CPB2: variants seen among roughly 807,000 people sequenced by gnomAD.
CPB2 encodes carboxypeptidase B-like protein.
CPB2 carries 54 observed loss-of-function variants against 57.0 expected under a neutral mutation model. The observed-to-expected ratio is 0.95, with a 90% CI of 0.76 to 1.19. The LOEUF is 1.19. CPB2 is among the 50% of genes most tolerant of loss of function. The probability of loss-of-function intolerance (pLI) is 0.00; values close to 1 mark genes in which losing one functional copy is unlikely to be tolerated. For synonymous variants in CPB2, 189 were observed against 178.1 expected (o/e 1.06, Z -0.49); for missense variants, 426 against 512.0 (o/e 0.83, Z 1.62).
intron 5 of CPB2, among the ~76,000 whole-genome samples, chr13:46,077,517 G>T (rs2045041353): frequency 6.6e-6 from 1 of 152,102 alleles, no homozygotes; most frequent in African/African-American, 2.4e-5. Flanking sequence ...ACCATGTGGA[G>T]GTTCCTCAAA....
chr13:46,060,569 T>G (rs1285250749), intron 8 of CPB2, among the ~76,000 whole-genome samples: 1 of 152,180 alleles, frequency 6.6e-6, no homozygotes, highest in Non-Finnish European at 1.5e-5. Flanking sequence ...TAAAAATTAT[T>G]CTTGAAATAT....
At chr13:46,104,021 A>G (rs1264428262) in intron 1 of CPB2, among the ~76,000 whole-genome samples, 2 of 152,240 alleles carry the variant, frequency 1.3e-5, no homozygotes, top group Non-Finnish European at 2.9e-5. Flanking sequence ...TTCAGTGATC[A>G]TGTACAAACA....
chr13:46,066,268 G>T (rs1185394117), intron 7 of CPB2, among the ~76,000 whole-genome samples: 2 of 152,134 alleles, frequency 1.3e-5, no homozygotes, highest in Non-Finnish European at 2.9e-5. Context: ...AGAAAGCAGA[G>T]TATTTCATAT....
intron 8 of CPB2, among the ~76,000 whole-genome samples, chr13:46,063,013 C>T (rs1025680713): frequency 1.3e-5 from 2 of 152,156 alleles, no homozygotes; most frequent in Admixed American, 6.5e-5. Context: ...AGCTTCTCTC[C>T]CTTATGGGCC....
rs2045232235 is a variant in CPB2 at position 46,087,754 on chromosome 13, T to G, written c.141A>C (p.Thr47=). The change falls in exon 2 of 11, where the codon ACA becomes ACC. Residue 47 remains threonine, a synonymous_variant. Coordinates refer to ENST00000181383, the MANE Select transcript of CPB2 (RefSeq NM_001872.5). ...ATTAGGGAGAAATTACCTCATATGT[T>G]GTAGTAAGATTCTGTAGAACTTGAA... The part of the protein sequence containing the change: ...RQVQVLQNLT[T]TYEIVLWQPV... The G allele has an allele frequency of 6.2e-7, 1 of 1,607,164 alleles. No homozygotes were observed. The highest frequency in any genetic ancestry group is 8.5e-7 in the Non-Finnish European group (1 of 1,175,054).
chr13:46,097,281 C>T lies in CPB2; in HGVS notation c.74+7655G>A, dbSNP rs2045379129. On this transcript the variant is annotated intron_variant, in intron 1 of 10. Transcript: ENST00000181383. ...CATGGCTCCAGCAGCACGGACTCCT[C>T]TCATTAAGGCTGATCTAGCTACTGT... 2.6e-5 allele frequency: 4 copies of T among 152,220 alleles called. No individual in the cohort carries two copies. In the South Asian group the frequency reaches 8.3e-4, roughly 31 times the overall value. 9.4% of individuals were successfully genotyped at this position (152,220 alleles called of 1,614,324 possible). A position where few individuals can be genotyped will look rare whatever the true frequency, so the allele number is the denominator to read the frequency against.
chr13:46,058,547 T>C (rs2044729418), intron 8 of CPB2, among the ~76,000 whole-genome samples, 166 bp from the exon 9 acceptor site: 1 of 152,210 alleles, frequency 6.6e-6, no homozygotes, highest in South Asian at 2.1e-4. Context: ...ATGTTTCTTT[T>C]GAAGTCAAAT....
chr13:46,076,007 TG>T (rs2045016831), intron 5 of CPB2, among the ~76,000 whole-genome samples: 1 of 152,138 alleles, frequency 6.6e-6, no homozygotes, highest in African/African-American at 2.4e-5. Context: ...AATAACCAAA[TG>T]GGTGGAAATT....
At chr13:46,092,403 T>C (rs976466078) in intron 1 of CPB2, among the ~76,000 whole-genome samples, 1 of 152,210 alleles carries the variant, frequency 6.6e-6, no homozygotes, top group Non-Finnish European at 1.5e-5. Context: ...TACTAATACA[T>C]CATGATAATA....
At chr13:46,068,500 G>A (rs1184114490) in intron 6 of CPB2, among the ~76,000 whole-genome samples, 1 of 152,148 alleles carries the variant, frequency 6.6e-6, no homozygotes, top group Non-Finnish European at 1.5e-5. Flanking sequence ...TGAAAAGGAA[G>A]CAAAATTTGT....
chr13:46,064,404 TC>T (rs2044822075), intron 8 of CPB2, among the ~76,000 whole-genome samples: 1 of 152,206 alleles, frequency 6.6e-6, no homozygotes, highest in South Asian at 2.1e-4. Flanking sequence ...CTAGAAGGGA[TC>T]TTAAAAAACT....
At chr13:46,056,547 T>C (rs1251631112) in intron 9 of CPB2, among the ~76,000 whole-genome samples, 1 of 152,246 alleles carries the variant, frequency 6.6e-6, no homozygotes, top group Non-Finnish European at 1.5e-5. Context: ...GCGGATATTA[T>C]TTTATGCCAT....
intron 8 of CPB2, among the ~76,000 whole-genome samples, chr13:46,062,785 A>C (rs1000881400): frequency 2.6e-5 from 4 of 152,212 alleles, no homozygotes; most frequent in African/African-American, 7.2e-5. Context: ...ATAAGGAAAT[A>C]AGGTAAGTGC....
intron 8 of CPB2, among the ~76,000 whole-genome samples, chr13:46,064,438 G>A (rs1280321445): frequency 1.3e-5 from 2 of 152,182 alleles, no homozygotes; most frequent in African/African-American, 4.8e-5. Flanking sequence ...TTATTTTAAA[G>A]ATAGGGAAAC....
intron 10 of CPB2, among the ~76,000 whole-genome samples, chr13:46,054,135 T>C (rs1416597904): frequency 1.3e-5 from 2 of 152,194 alleles, no homozygotes; most frequent in South Asian, 2.1e-4. Flanking sequence ...ATACCATCAA[T>C]AGGAATTATG....
chr13:46,095,579 C>A (rs187405294), intron 1 of CPB2, among the ~76,000 whole-genome samples: 52 of 152,276 alleles, frequency 3.4e-4, no homozygotes, highest in Middle Eastern at 3.4e-3. Context: ...TCAGCTATTG[C>A]GCTGGATATG....
At chr13:46,087,954 C>T (rs2045235780) in intron 1 of CPB2, 134 bp from the exon 2 acceptor site, 1 of 599,368 alleles carries the variant, frequency 1.7e-6, no homozygotes, top group Non-Finnish European at 2.9e-6. Flanking sequence ...GAGGATCTTA[C>T]TACAGATTCA....
rs947566885 is a variant in CPB2, at chr13:46,074,033, T to C, written c.487-56A>G. The C allele has an allele frequency of 8.2e-5, 82 of 1,005,382 alleles. No individual in the cohort carries two copies. The Admixed American group carries it at 1.5e-3, about 18-fold the overall frequency. The allele number at this position is 1,005,382 out of a possible 1,614,324, so 62.3% of individuals were successfully genotyped here. On this transcript the variant is annotated intron_variant, in intron 5 of 10. Transcript: ENST00000181383. ...ACAGTAACAATAAGCTTCAGGATAATAACTTTCATTTATATAGTGCTTATA... is the reference window on the plus strand; with the variant it reads ...ACAGTAACAATAAGCTTCAGGATAACAACTTTCATTTATATAGTGCTTATA...
chr13:46,077,712 GATGTGGATAAAGAAA>G (rs2045044778), intron 5 of CPB2, among the ~76,000 whole-genome samples: 1 of 152,140 alleles, frequency 6.6e-6, no homozygotes, highest in Admixed American at 6.6e-5. Flanking sequence ...AGAAAATGTG[GATGTGGATAAAGAAA>G]ATGTGGATAT....
Sources: allele counts gnomAD v4.1 joint callset (sites outside exome capture counted in the v4.1 genomes callset), GRCh38; gene constraint gnomAD v4.1.1; transcripts MANE v1.5; gene names NCBI Gene and HGNC (gene_info 2026-07-23, HGNC 2026-07-21).